Variants in PDIA5 observed in about 807,000 individuals in gnomAD.
The protein encoded by PDIA5 is protein disulfide isomerase family A member 5, also known as protein disulfide-isomerase A5.
Under a neutral mutation model 77.6 loss-of-function variants are expected in PDIA5, and 58 were observed. That is an observed-to-expected ratio of 0.75 (90% CI 0.61 to 0.93). The LOEUF (loss-of-function observed/expected upper bound fraction) is 0.93. Among genes scored for constraint, PDIA5 ranks in the 40% least tolerant of loss-of-function variants. The pLI is 0.00. For missense variants in PDIA5, 630 were observed against 647.7 expected (o/e 0.97, Z 0.30); for synonymous variants, 250 against 252.1 (o/e 0.99, Z 0.08).
intron 11 of PDIA5, among the ~76,000 whole-genome samples, chr3:123,131,671 G>A (rs1357018349): frequency 1.3e-5 from 2 of 150,500 alleles, no homozygotes; most frequent in Non-Finnish European, 3.0e-5. Flanking sequence ...AATCAAGGAA[G>A]TAAAATCCTG....
Position 123,089,261 on chromosome 3 carries a change from C to G in PDIA5, c.136C>G (p.Arg46Gly). The change falls in exon 2 of 17, where the codon CGG becomes GGG. Residue 46 changes from arginine to glycine, a missense_variant. Coordinates refer to ENST00000316218, the MANE Select transcript of PDIA5 (RefSeq NM_006810.4). ...PKDLKKLLRT[R>G]NNVLVLYSKS... is the part of the protein sequence containing the mutation. ...GGACTTGAAAAAACTGCTCAGAACCCGGAATAATGTACTGGTGCTTTACTC... is the reference window on the plus strand; with the variant it reads ...GGACTTGAAAAAACTGCTCAGAACCGGGAATAATGTACTGGTGCTTTACTC... The G allele has an allele frequency of 6.2e-7, 1 of 1,614,064 alleles. No homozygotes were observed. The highest frequency in any genetic ancestry group is 8.5e-7 in the Non-Finnish European group (1 of 1,179,902).
At chr3:123,106,927 GAA>G in intron 6 of PDIA5, 86 bp downstream of exon 6, 2 of 861,554 alleles carry the variant, frequency 2.3e-6, no homozygotes, top group South Asian at 2.9e-5. Flanking sequence ...AACGAACTGA[GAA>G]ATGGGACTAT....
intron 1 of PDIA5, among the ~76,000 whole-genome samples, chr3:123,073,092 T>C (rs1933767342): frequency 6.6e-6 from 1 of 152,338 alleles, no homozygotes; most frequent in East Asian, 1.9e-4. Flanking sequence ...CCGTGTGATC[T>C]GTTGGCAGAA....
chr3:123,069,120 A>G (rs1024247896), intron 1 of PDIA5, among the ~76,000 whole-genome samples: 8 of 152,340 alleles, frequency 5.3e-5, no homozygotes, highest in African/African-American at 1.9e-4. Flanking sequence ...TGGAGGGAGC[A>G]TGCCAACAGG....
At chr3:123,098,274 C>A (rs1259798323) in intron 3 of PDIA5, among the ~76,000 whole-genome samples, 2 of 152,180 alleles carry the variant, frequency 1.3e-5, no homozygotes, top group Admixed American at 1.3e-4. Context: ...AGCTGTCATT[C>A]TAATGGGCTG....
At chr3:123,142,649 A>C (rs1380883005) in intron 11 of PDIA5, among the ~76,000 whole-genome samples, 1 of 152,196 alleles carries the variant, frequency 6.6e-6, no homozygotes, top group African/African-American at 2.4e-5. Flanking sequence ...GACATTAAGA[A>C]TATCTGCTGT....
intron 11 of PDIA5, among the ~76,000 whole-genome samples, chr3:123,132,079 A>G (rs1405466549): frequency 6.6e-6 from 1 of 152,194 alleles, no homozygotes; most frequent in Admixed American, 6.5e-5. Context: ...TGTCTTCCTG[A>G]AGGGTCATCT....
chr3:123,067,051 G>A lies in PDIA5; in HGVS notation c.-114G>A. On this transcript the variant is annotated 5_prime_UTR_variant, in exon 1 of 17. Transcript: ENST00000316218. ...GACGTGGCACCGGGAACTCGGAGGC[G>A]GGGAGCGGCTGGGAAGTGGCCGTGG... 1 of 886,276 alleles carries A rather than the reference G, an allele frequency of 1.1e-6. No individual in the cohort carries two copies. The highest frequency in any genetic ancestry group is 1.5e-6 in the Non-Finnish European group (1 of 671,642). The allele number at this position is 886,276 out of a possible 1,614,324, so 54.9% of individuals were successfully genotyped here. A position where few individuals can be genotyped will look rare whatever the true frequency, so the allele number is the denominator to read the frequency against.
At chr3:123,070,928 T>A (rs1338289562) in intron 1 of PDIA5, among the ~76,000 whole-genome samples, 1 of 150,836 alleles carries the variant, frequency 6.6e-6, no homozygotes, top group Non-Finnish European at 1.5e-5. Context: ...AAAAAAAAAA[T>A]GGTGTATTTT....
intron 2 of PDIA5, among the ~76,000 whole-genome samples, chr3:123,091,024 A>C (rs542857880): frequency 6.6e-6 from 1 of 152,232 alleles, no homozygotes; most frequent in East Asian, 1.9e-4. Flanking sequence ...CCATGGCTAA[A>C]ATGCAGGTTA....
chr3:123,106,686 A>T (rs945505798), intron 5 of PDIA5, 63 bp from the exon 6 acceptor site: 2 of 1,180,306 alleles, frequency 1.7e-6, no homozygotes, highest in Non-Finnish European at 2.5e-6. Flanking sequence ...CAGGTTCCTG[A>T]TTCCCCCACC....
At chr3:123,083,634 T>G (rs1259626961) in intron 1 of PDIA5, among the ~76,000 whole-genome samples, 2 of 152,284 alleles carry the variant, frequency 1.3e-5, no homozygotes, top group East Asian at 3.9e-4. Context: ...CTGGCTGCCT[T>G]TGGAAGCACT....
At position 123,162,027 on chromosome 3, in the gene PDIA5, C is replaced by A; in HGVS notation, c.*67C>A. 1 of 980,958 alleles carries A rather than the reference C, an allele frequency of 1.0e-6. No individual in the cohort carries two copies. Among genetic ancestry groups the A allele is most frequent in the Non-Finnish European group, 1.6e-6 (1 of 627,910 alleles). The allele number at this position is 980,958 out of a possible 1,614,324, so 60.8% of individuals were successfully genotyped here. A position where few individuals can be genotyped will look rare whatever the true frequency, so the allele number is the denominator to read the frequency against. On this transcript the variant is annotated 3_prime_UTR_variant, in exon 17 of 17. Coordinates refer to ENST00000316218, the MANE Select transcript of PDIA5 (RefSeq NM_006810.4). ...TACCTGTTTTGTTGTTTCTGAATTT[C>A]CACATGTTCTGAAGACAAATTTTTT...
At position 123,151,873 on chromosome 3, in the gene PDIA5, C is replaced by CTG. The variant is rs1306113238; in HGVS notation, c.1273+1509_1273+1510insTG. Among the ~76,000 whole-genome samples the CTG allele has an allele frequency of 1.4e-3, 201 of 142,974 alleles. 12 individuals are homozygous for CTG. The highest frequency in any genetic ancestry group is 3.8e-3 in the Middle Eastern group (1 of 264). 93.8% of individuals were successfully genotyped at this position (142,974 alleles called of 152,430 possible). Reference sequence around the variant, plus strand: ...CCTTCCTGCCCTCCTTCCTTCCTGCCCGCCTTCCTGCCTGCCTTCCTTCCT... The same window carrying CTG: ...CCTTCCTGCCCTCCTTCCTTCCTGCCTGCGCCTTCCTGCCTGCCTTCCTTCCT... On this transcript the variant is annotated intron_variant, in intron 14 of 16. Transcript: ENST00000316218.
At chr3:123,102,337 C>T in intron 3 of PDIA5, 74 bp from the exon 4 acceptor site, 1 of 1,093,212 alleles carries the variant, frequency 9.1e-7, no homozygotes, top group Non-Finnish European at 1.4e-6. Context: ...TCTTAGGACA[C>T]CAGCAGATTT....
chr3:123,088,316 G>A (rs140659156), intron 1 of PDIA5, among the ~76,000 whole-genome samples: 8 of 151,976 alleles, frequency 5.3e-5, no homozygotes, highest in African/African-American at 7.3e-5. Context: ...TCCAGTTCCC[G>A]AAGTTTTCCA....
chr3:123,117,374 T>TATATATATATATATATATATA (rs1935019779), intron 8 of PDIA5, among the ~76,000 whole-genome samples: 1 of 79,870 alleles, frequency 1.3e-5, no homozygotes, highest in South Asian at 5.7e-4. Context: ...TTCTATGATT[T>TATATATATATATATATATATA]TATATATATA....
Position 123,153,748 on chromosome 3 carries a change from C to T in PDIA5, c.1274-1223C>T, listed in dbSNP as rs1369466916. On this transcript the variant is annotated intron_variant, in intron 14 of 16. Transcript: ENST00000316218. ...GTGGTCCTGCTCATCTCAAGACTGG[C>T]TCAAGGACTAAATTCAGATTAAACT... Among the ~76,000 whole-genome samples, 3 of 152,360 alleles carry T rather than the reference C, an allele frequency of 2.0e-5. No individual in the cohort carries two copies. The East Asian group carries it at 5.8e-4, about 29-fold the overall frequency.
intron 8 of PDIA5, among the ~76,000 whole-genome samples, chr3:123,118,423 G>C (rs1935041312): frequency 6.6e-6 from 1 of 152,132 alleles, no homozygotes; most frequent in Non-Finnish European, 1.5e-5. Flanking sequence ...TGCTGTGGAA[G>C]GTAAGCAGCT....
Sources: gnomAD v4.1 joint callset for allele counts (sites outside exome capture counted in the v4.1 genomes callset) on GRCh38, gnomAD v4.1.1 for gene constraint, MANE v1.5 for transcripts, NCBI Gene and HGNC (gene_info 2026-07-23, HGNC 2026-07-21) for gene names.